Variants in ODAPH observed in about 807,000 individuals in gnomAD.
ODAPH encodes the protein odontogenesis associated phosphoprotein, also known as amelogenesis imperfecta type IIA4.
In ODAPH, 2 loss-of-function variants were observed where a neutral mutation model predicts 2.8. The observed-to-expected ratio is 0.72, with a 90% CI of 0.30 to 2.28. ODAPH has a LOEUF of 2.28. Ranked by LOEUF, ODAPH falls within the 30% of genes most tolerant of loss-of-function variation. The pLI is 0.13. For missense variants in ODAPH, 159 were observed against 163.3 expected (o/e 0.97, Z 0.14); for synonymous variants, 75 against 60.3 (o/e 1.24, Z -1.13).
Position 75,564,242 on chromosome 4 carries a change from A to C in ODAPH, c.196A>C (p.Lys66Gln). 6.2e-7 allele frequency: 1 copy of C among 1,614,134 alleles called. No individual in the cohort carries two copies. The highest frequency in any genetic ancestry group is 8.5e-7 in the Non-Finnish European group (1 of 1,180,006). The change falls in exon 2 of 2, where the codon AAG becomes CAG. Residue 66 changes from lysine to glutamine, a missense_variant. By Grantham distance (53) the Lys-to-Gln change is moderately conservative. Coordinates refer to ENST00000311623, the MANE Select transcript of ODAPH (RefSeq NM_178497.5). The part of the protein sequence containing the change: ...SPVTRAQPIT[K>Q]TPRCPFHFFP... Reference sequence around the variant, plus strand: ...GGTCACAAGGGCCCAGCCCATCACAAAGACACCCAGGTGTCCCTTCCATTT... The same window carrying C: ...GGTCACAAGGGCCCAGCCCATCACACAGACACCCAGGTGTCCCTTCCATTT...
chr4:75,556,455 T>A (rs959237298), intron 1 of ODAPH: 4 of 1,132,738 alleles, frequency 3.5e-6, no homozygotes, highest in Non-Finnish European at 5.1e-6. Flanking sequence ...TGAGCTATCA[T>A]CTGTGAAAAA....
intron 1 of ODAPH, among the ~76,000 whole-genome samples, chr4:75,559,353 G>GT (rs768091004): frequency 2.6e-5 from 4 of 152,234 alleles, no homozygotes; most frequent in Non-Finnish European, 5.9e-5. Flanking sequence ...AGTGTGAACT[G>GT]TATGTCCAGC....
At chr4:75,558,577 G>A (rs1727437600) in intron 1 of ODAPH, among the ~76,000 whole-genome samples, 1 of 151,116 alleles carries the variant, frequency 6.6e-6, no homozygotes, top group African/African-American at 2.4e-5. Flanking sequence ...TAAAGTAGTT[G>A]TTGGTATGCT....
At position 75,556,195 on chromosome 4, in the gene ODAPH, G is replaced by A. The variant is rs749737834; in HGVS notation, c.67+46G>A. 3.0e-5 allele frequency: 48 copies of A among 1,579,704 alleles called. No individual in the cohort carries two copies. In the Admixed American group the frequency reaches 6.9e-4, roughly 23 times the overall value. On this transcript the variant is annotated intron_variant, in intron 1 of 1. Transcript: ENST00000311623. ...CTACTGTGGGTCCACTAATTAATAAGTTGTAGGAAAAGACAAAACTGGCTC... is the reference window on the plus strand; with the variant it reads ...CTACTGTGGGTCCACTAATTAATAAATTGTAGGAAAAGACAAAACTGGCTC...
intron 1 of ODAPH, among the ~76,000 whole-genome samples, chr4:75,561,094 C>T (rs371574253): frequency 6.6e-6 from 1 of 151,892 alleles, no homozygotes; most frequent in Non-Finnish European, 1.5e-5. Flanking sequence ...CGTGGTGGCG[C>T]GCGCCTGTAG....
intron 1 of ODAPH, chr4:75,556,564 C>G (rs1560558680): frequency 6.5e-7 from 1 of 1,535,106 alleles, no homozygotes; most frequent in Admixed American, 2.0e-5. Flanking sequence ...CTATCTCCAG[C>G]AGCATATTAA....
At chr4:75,559,797 C>T (rs1040933213) in intron 1 of ODAPH, among the ~76,000 whole-genome samples, 2 of 152,184 alleles carry the variant, frequency 1.3e-5, no homozygotes, top group African/African-American at 4.8e-5. Flanking sequence ...TTCAATTGTA[C>T]TGGAGGCACC....
chr4:75,557,505 G>A (rs143947814), intron 1 of ODAPH, among the ~76,000 whole-genome samples: 76 of 152,150 alleles, frequency 5.0e-4, no homozygotes, highest in African/African-American at 1.5e-3. Context: ...CAGGTGTGGT[G>A]GTGCATGCCT....
In ODAPH at chr4:75,556,099, G is replaced by T; in HGVS notation, c.17G>T (p.Cys6Phe). 2 of 1,614,174 alleles carry T rather than the reference G, an allele frequency of 1.2e-6. No homozygotes were observed. The highest frequency in any genetic ancestry group is 1.7e-6 in the Non-Finnish European group (2 of 1,180,026). The change falls in exon 1 of 2, where the codon TGC becomes TTC. Residue 6 changes from cysteine to phenylalanine, a missense_variant. Transcript: ENST00000311623. MARRH[C>F]FSYWLLVCWL... ...GTAGAAGCCATGGCTCGCAGACACT[G>T]CTTCTCCTACTGGTTACTGGTATGC... is the stretch of plus-strand genomic sequence containing the variant.
chr4:75,561,223 C>CAAAAAACAAA (rs760206306), intron 1 of ODAPH, among the ~76,000 whole-genome samples: 7 of 62,700 alleles, frequency 1.1e-4, no homozygotes, highest in African/African-American at 3.7e-4. Context: ...AACTCAATCT[C>CAAAAAACAAA]AAAAAAAAAA....
downstream of ODAPH, chr4:75,565,350 C>A (rs1273284456): frequency 1.3e-5 from 2 of 152,146 alleles, no homozygotes; most frequent in African/African-American, 4.8e-5. Context: ...ATGTTGACTT[C>A]AACTGATGCA....
intron 1 of ODAPH, chr4:75,563,228 AT>A (rs1727662800): frequency 6.5e-6 from 1 of 152,798 alleles, no homozygotes; most frequent in African/African-American, 2.4e-5. Context: ...GGGTTTCACC[AT>A]GTTAGCCAGG....
chr4:75,556,973 G>A (rs1162810273), intron 1 of ODAPH, among the ~76,000 whole-genome samples: 2 of 152,084 alleles, frequency 1.3e-5, no homozygotes, highest in Non-Finnish European at 2.9e-5. Flanking sequence ...GCTTTGCAGG[G>A]GCTCAGCCAA....
chr4:75,564,693 T>C lies in ODAPH; in HGVS notation c.*254T>C. On this transcript the variant is annotated 3_prime_UTR_variant, in exon 2 of 2. Coordinates refer to ENST00000311623, the MANE Select transcript of ODAPH (RefSeq NM_178497.5). ...CAACCTCTTATGGTCACAGGATATT[T>C]ATGCAAATAAAATCTTTAAATGGGT... 1.4e-6 allele frequency: 1 copy of C among 703,290 alleles called. No individual in the cohort carries two copies. Among genetic ancestry groups the C allele is most frequent in the East Asian group, 2.7e-5 (1 of 36,442 alleles). 43.6% of individuals were successfully genotyped at this position (703,290 alleles called of 1,614,324 possible).
chr4:75,563,453 G>A (rs1020849062), intron 1 of ODAPH: 2 of 154,126 alleles, frequency 1.3e-5, no homozygotes, highest in African/African-American at 4.8e-5. Flanking sequence ...ATATGTGTAG[G>A]TACACCTGTG....
intron 1 of ODAPH, among the ~76,000 whole-genome samples, chr4:75,563,576 C>T (rs1396419341): frequency 1.3e-5 from 2 of 151,950 alleles, no homozygotes; most frequent in African/African-American, 4.8e-5. Context: ...TAAAAAATAC[C>T]TATCCTTTCC....
chr4:75,562,287 G>A (rs1337592180), intron 1 of ODAPH, among the ~76,000 whole-genome samples: 1 of 151,640 alleles, frequency 6.6e-6, no homozygotes. Context: ...AATGAGAGGG[G>A]AATCTAGTCC....
intron 1 of ODAPH, among the ~76,000 whole-genome samples, chr4:75,562,589 C>T (rs1438133267): frequency 6.6e-6 from 1 of 152,184 alleles, no homozygotes. Context: ...ATCCGCCCAC[C>T]TCGGCCTCCC....
At position 75,564,226 on chromosome 4, in the gene ODAPH, G is replaced by A. The variant is rs1727718475; in HGVS notation, c.180G>A (p.Arg60=). 6.2e-7 allele frequency: 1 copy of A among 1,614,004 alleles called. No individual in the cohort carries two copies. Among genetic ancestry groups the A allele is most frequent in the African/African-American group, 1.3e-5 (1 of 74,902 alleles). The change falls in exon 2 of 2, where the codon AGG becomes AGA. Residue 60 remains arginine, a synonymous_variant. Transcript: ENST00000311623. The stretch of plus-strand genomic sequence containing the variant: ...CTGCCCCGAGGAGTCCGGTCACAAG[G>A]GCCCAGCCCATCACAAAGACACCCA... ...PPPAPRSPVT[R]AQPITKTPRC... is the part of the protein sequence containing the mutation.
Sources: allele counts gnomAD v4.1 joint callset (sites outside exome capture counted in the v4.1 genomes callset), GRCh38; gene constraint gnomAD v4.1.1; transcripts MANE v1.5; gene names NCBI Gene and HGNC (gene_info 2026-07-23, HGNC 2026-07-21).